CARD6: variants seen among roughly 807,000 people sequenced by gnomAD.
CARD6 encodes caspase recruitment domain family member 6, also known as caspase recruitment domain-containing protein 6.
A neutral mutation model predicts 23.6 loss-of-function variants in CARD6; 27 were observed. The ratio of observed to expected loss-of-function variants is 1.14; its 90% CI spans 0.84 to 1.58. The LOEUF is 1.58. CARD6 is among the 40% of genes most tolerant of loss of function. The pLI, the probability that CARD6 is intolerant of heterozygous loss-of-function variation, is 0.00. For synonymous variants in CARD6, 397 were observed against 431.8 expected, an observed-to-expected ratio of 0.92 and a Z score of 1.00; for missense variants, 1,214 against 1,209.9, an observed-to-expected ratio of 1.00 and a Z score of -0.05.
chr5:40,850,413 C>CA (rs70988813), intron 2 of CARD6, among the ~76,000 whole-genome samples: 18,434 of 36,374 alleles, frequency 0.51, 6,324 homozygotes, highest in Middle Eastern at 0.67. Context: ...CACTCCATCT[C>CA]AAAAAAAAAA....
At position 40,852,873 on chromosome 5, in the gene CARD6, G is replaced by A. The variant is rs769932291; in HGVS notation, c.1541G>A (p.Ser514Asn). 4 of 1,614,014 alleles carry A rather than the reference G, an allele frequency of 2.5e-6. No individual in the cohort carries two copies. The highest frequency in any genetic ancestry group is 1.7e-5 in the Admixed American group (1 of 59,976). Reference protein sequence around the residue: ...LVEITWCFPDSDDRKENPFFQ... With the variant: ...LVEITWCFPDNDDRKENPFFQ... Reference sequence around the variant, plus strand: ...GAGATAACATGGTGTTTTCCTGATAGCGATGATAGAAAGGAAAACCCCTTT... The same window carrying A: ...GAGATAACATGGTGTTTTCCTGATAACGATGATAGAAAGGAAAACCCCTTT... The change falls in exon 3 of 3, where the codon AGC becomes AAC. Residue 514 changes from serine (S) to asparagine (N), a missense_variant. Physicochemically the swap from Ser to Asn is conservative, Grantham distance 46. Transcript: ENST00000254691.
chr5:40,846,258 C>T (rs1052659255), intron 2 of CARD6, among the ~76,000 whole-genome samples: 1 of 151,978 alleles, frequency 6.6e-6, no homozygotes, highest in African/African-American at 2.4e-5. Flanking sequence ...GGTGATCCAC[C>T]CACCTCGGCC....
Position 40,843,589 on chromosome 5 carries a change from TATG to T in CARD6, c.725_727del (p.Asp242del). 6.2e-7 allele frequency: 1 copy of T among 1,610,820 alleles called. No homozygotes were observed. Among genetic ancestry groups the T allele is most frequent in the South Asian group, 1.1e-5 (1 of 90,310 alleles). ...TTATGATGACCCAGAGCACGTTGGA[TATG>T]ATGGTGAAGAGGACTTCGAGAATTC... is the stretch of plus-strand genomic sequence containing the variant. On this transcript the variant is annotated inframe_deletion, in exon 2 of 3. Coordinates refer to ENST00000254691, the MANE Select transcript of CARD6 (RefSeq NM_032587.4).
rs878932568 is a variant in CARD6, at chr5:40,854,350, G to T, written c.3018G>T (p.Gln1006His). Residue 1006 changes from glutamine (Q) to histidine (H), a missense_variant, in exon 3 of 3, where the codon CAG becomes CAT. Physicochemically the swap from Gln to His is conservative, Grantham distance 24. Transcript: ENST00000254691. ...QPWPPQSKPS[Q>H]PRPPQPKSSS... Reference sequence around the variant, plus strand: ...GGCCTCCCCAGTCTAAGCCTTCTCAGCCCAGACCCCCTCAACCTAAGTCAT... The same window carrying T: ...GGCCTCCCCAGTCTAAGCCTTCTCATCCCAGACCCCCTCAACCTAAGTCAT... 9.3e-6 allele frequency: 15 copies of T among 1,613,954 alleles called. No homozygotes were observed. In the South Asian group the frequency reaches 1.5e-4, roughly 17 times the overall value.
rs1055785984 is a variant in CARD6 at position 40,855,327 on chromosome 5, A to G, written c.*881A>G. ...TATAGGTAGAAATAATGAATTAACAACCAATAAAATTAATCATTTGGCATT... is the reference window on the plus strand; with the variant it reads ...TATAGGTAGAAATAATGAATTAACAGCCAATAAAATTAATCATTTGGCATT... On this transcript the variant is annotated 3_prime_UTR_variant, in exon 3 of 3. Transcript: ENST00000254691. The G allele has an allele frequency of 6.6e-6, 1 of 152,364 alleles. No individual in the cohort carries two copies. The highest frequency in any genetic ancestry group is 2.1e-4 in the South Asian group (1 of 4,834). 9.4% of individuals were successfully genotyped at this position (152,364 alleles called of 1,614,324 possible).
Position 40,843,436 on chromosome 5 carries a change from AC to A in CARD6, c.569del (p.Thr190IlefsTer5), listed in dbSNP as rs1561212861. On this transcript the variant is annotated frameshift_variant, in exon 2 of 3. Coordinates refer to ENST00000254691, the MANE Select transcript of CARD6 (RefSeq NM_032587.4). LOFTEE classifies it high-confidence loss of function. ...GAAAGTTGGATGTGAAGTTCCAGCAACTATTACATATATAAAAGATGGACAG... is the reference window on the plus strand; with the variant it reads ...GAAAGTTGGATGTGAAGTTCCAGCAATATTACATATATAAAAGATGGACAG... Reference protein sequence around the residue: ...VEKVGCEVPATITYIKDGQRY... With the variant: ...VEKVGCEVPAXITYIKDGQRY... 1 of 1,613,982 alleles carries A rather than the reference AC, an allele frequency of 6.2e-7. No individual in the cohort carries two copies. Among genetic ancestry groups the A allele is most frequent in the Admixed American group, 1.7e-5 (1 of 59,984 alleles).
In CARD6 at chr5:40,853,369, T is replaced by A; in HGVS notation, c.2037T>A (p.Ala679=). 1 of 1,614,090 alleles carries A rather than the reference T, an allele frequency of 6.2e-7. No individual in the cohort carries two copies. Among genetic ancestry groups the A allele is most frequent in the Non-Finnish European group, 8.5e-7 (1 of 1,180,022 alleles). The change falls in exon 3 of 3, where the codon GCT becomes GCA. Residue 679 remains alanine, a synonymous_variant. Coordinates refer to ENST00000254691, the MANE Select transcript of CARD6 (RefSeq NM_032587.4). ...CTGGAGAAAACATGGCTGGGACAGC[T>A]GAAGGTGAGGGTCAGCAAAGACACA... ...VSSGENMAGT[A]EGEGQQRHSQ...
At chr5:40,851,511 T>C (rs1352127773) in intron 2 of CARD6, among the ~76,000 whole-genome samples, 1 of 152,070 alleles carries the variant, frequency 6.6e-6, no homozygotes, top group African/African-American at 2.4e-5. Context: ...TTATATTGTT[T>C]CAGCTTTTTG....
intron 1 of CARD6, 107 bp from the exon 2 acceptor site, chr5:40,843,041 AAAAT>A (rs1338842811): frequency 5.5e-5 from 41 of 739,294 alleles, no homozygotes; most frequent in Non-Finnish European, 7.0e-5. Context: ...TCTGTCTCAA[AAAAT>A]AAATAAATAA....
In CARD6 at chr5:40,853,226, G is replaced by A. The variant is rs755065467; in HGVS notation, c.1894G>A (p.Val632Met). The A allele has an allele frequency of 1.9e-6, 3 of 1,614,214 alleles. No homozygotes were observed. The highest frequency in any genetic ancestry group is 2.2e-5 in the South Asian group (2 of 91,084). ...GGGCCTTCAAGCTGCCCTCCAGGAA[G>A]TGATGTTCTCTTCTTGCCTCAGATG... ...MEGLQAALQE[V>M]MFSSCLRCVS... is the part of the protein sequence containing the mutation. The change falls in exon 3 of 3, where the codon GTG (valine) becomes ATG (methionine). Residue 632 changes from valine to methionine, a missense_variant. Transcript: ENST00000254691.
intron 2 of CARD6, among the ~76,000 whole-genome samples, chr5:40,847,059 G>C (rs1010954746): frequency 8.5e-5 from 13 of 152,288 alleles, no homozygotes; most frequent in Admixed American, 2.6e-4. Flanking sequence ...TAGTAAAACA[G>C]ATCAAGAGAA....
Position 40,853,767 on chromosome 5 carries a change from AT to A in CARD6, c.2436del (p.Asn812LysfsTer24). ...FSRVARGCHS[N>X]GTFGRLPRPI... Reference sequence around the variant, plus strand: ...AGAGTTGCTCGGGGATGTCACTCGAATGGAACATTTGGGAGACTGCCAAGAC... The same window carrying A: ...AGAGTTGCTCGGGGATGTCACTCGAAGGAACATTTGGGAGACTGCCAAGAC... On this transcript the variant is annotated frameshift_variant, in exon 3 of 3. Transcript: ENST00000254691. LOFTEE classifies it low-confidence loss of function (END_TRUNC). 1.2e-6 allele frequency: 2 copies of A among 1,614,228 alleles called. No individual in the cohort carries two copies. Among genetic ancestry groups the A allele is most frequent in the Non-Finnish European group, 1.7e-6 (2 of 1,180,036 alleles).
chr5:40,841,506 G>A lies in CARD6; in HGVS notation c.124G>A (p.Glu42Lys), dbSNP rs1331469279. The change falls in exon 1 of 3, where the codon GAA (glutamate) becomes AAA (lysine). Residue 42 changes from glutamate to lysine, a missense_variant. Physicochemically the swap from Glu to Lys is moderately conservative, Grantham distance 56 (BLOSUM62 1). Transcript: ENST00000254691. ...TLTSRRLISE[E>K]EYETLENVTD... ...AACTTCTCGGAGGCTGATTTCTGAGGAAGAGTATGAGACTCTGGAGAATGT... is the reference window on the plus strand; with the variant it reads ...AACTTCTCGGAGGCTGATTTCTGAGAAAGAGTATGAGACTCTGGAGAATGT... 6.2e-7 allele frequency: 1 copy of A among 1,614,032 alleles called. No individual in the cohort carries two copies. The highest frequency in any genetic ancestry group is 2.2e-5 in the East Asian group (1 of 44,880).
chr5:40,845,604 A>G (rs1039489119), intron 2 of CARD6, among the ~76,000 whole-genome samples: 6 of 152,088 alleles, frequency 3.9e-5, no homozygotes, highest in African/African-American at 1.4e-4. Flanking sequence ...AATTCATTGC[A>G]TAGTATCATC....
intron 2 of CARD6, 62 bp from the exon 3 acceptor site, chr5:40,852,109 AAAG>A: frequency 1.9e-6 from 2 of 1,054,718 alleles, no homozygotes; most frequent in Non-Finnish European, 1.4e-6. Flanking sequence ...TGTCTCAAAA[AAAG>A]AAGTCGATGG....
At chr5:40,841,988 C>T (rs556825156) in intron 1 of CARD6, among the ~76,000 whole-genome samples, 2 of 152,202 alleles carry the variant, frequency 1.3e-5, no homozygotes, top group Admixed American at 6.5e-5. Flanking sequence ...AATAATAACA[C>T]AATCCAGGGT....
rs565583924 is a variant in CARD6 at position 40,851,197 on chromosome 5, G to A, written c.842-977G>A. Among the ~76,000 whole-genome samples the A allele has an allele frequency of 6.6e-5, 10 of 152,060 alleles. No homozygotes were observed. The South Asian group carries it at 2.1e-3, about 32-fold the overall frequency. Reference sequence around the variant, plus strand: ...ATACAAAAATTAGCTTGGTGTGGTGGCACATGCCTGTAATCCCAGCTACTC... The same window carrying A: ...ATACAAAAATTAGCTTGGTGTGGTGACACATGCCTGTAATCCCAGCTACTC... On this transcript the variant is annotated intron_variant, in intron 2 of 2. Coordinates refer to ENST00000254691, the MANE Select transcript of CARD6 (RefSeq NM_032587.4).
intron 1 of CARD6, 48 bp from the exon 2 acceptor site, chr5:40,843,104 A>G (rs1745901813): frequency 3.1e-6 from 4 of 1,273,428 alleles, no homozygotes; most frequent in Non-Finnish European, 4.4e-6. Flanking sequence ...TCTAGCTGTT[A>G]TACAGCTTCT....
Position 40,843,672 on chromosome 5 carries a change from C to G in CARD6, c.804C>G (p.Ser268Arg). 6.4e-7 allele frequency: 1 copy of G among 1,556,474 alleles called. No individual in the cohort carries two copies. The highest frequency in any genetic ancestry group is 8.6e-7 in the Non-Finnish European group (1 of 1,160,178). ...CAAGTTATGAGGGATCAGAAACCAG[C>G]CTTTCATTGGAGGAGGAACAGGAGA... Reference protein sequence around the residue: ...EEPSYEGSETSLSLEEEQEKS... With the variant: ...EEPSYEGSETRLSLEEEQEKS... The change falls in exon 2 of 3, where the codon AGC becomes AGG. Residue 268 changes from serine to arginine, a missense_variant. By Grantham distance (110) the Ser-to-Arg change is moderately radical (BLOSUM62 -1). Coordinates refer to ENST00000254691, the MANE Select transcript of CARD6 (RefSeq NM_032587.4).
Sources: allele counts gnomAD v4.1 joint callset (sites outside exome capture counted in the v4.1 genomes callset), GRCh38; gene constraint gnomAD v4.1.1; transcripts MANE v1.5; gene names NCBI Gene and HGNC (gene_info 2026-07-23, HGNC 2026-07-21).